The following CFAP61 variants were observed in gnomAD, a reference collection of about 807,000 sequenced individuals.
CFAP61 encodes cilia and flagella associated protein 61.
CFAP61 carries 107 observed loss-of-function variants against 135.6 expected under a neutral mutation model. The observed-to-expected ratio is 0.79, with a 90% CI of 0.67 to 0.93. The LOEUF is 0.93. CFAP61 is among the 40% of genes least tolerant of loss of function. The pLI is 0.00. For synonymous variants in CFAP61, 575 were observed against 578.5 expected (o/e 0.99, Z 0.09); for missense variants, 1,507 against 1,556.2 (o/e 0.97, Z 0.53).
intron 19 of CFAP61, among the ~76,000 whole-genome samples, chr20:20,247,502 C>T (rs541159055): frequency 4.5e-4 from 68 of 152,294 alleles, no homozygotes; most frequent in African/African-American, 1.5e-3. Context: ...GCCTCCTCAC[C>T]GCCCAGAACT....
chr20:20,293,198 T>A (rs539227487), intron 24 of CFAP61, among the ~76,000 whole-genome samples: 2 of 152,318 alleles, frequency 1.3e-5, no homozygotes, highest in East Asian at 3.9e-4. Flanking sequence ...ATTTCCTACA[T>A]GCGGCATCGT....
intron 25 of CFAP61, among the ~76,000 whole-genome samples, chr20:20,339,420 A>T (rs1041046938): frequency 6.6e-6 from 1 of 152,074 alleles, no homozygotes; most frequent in African/African-American, 2.4e-5. Flanking sequence ...AGCCTAAAGC[A>T]TAGAAATCGT....
chr20:20,156,058 G>A lies in CFAP61; in HGVS notation c.952-3312G>A, dbSNP rs570745318. On this transcript the variant is annotated intron_variant, in intron 9 of 26. Transcript: ENST00000245957. ...ATAGAGTCTTTTATCTGCACATTGG[G>A]TACAGTATACACTGCTTGGATGATG... Among the ~76,000 whole-genome samples, 12 of 151,932 alleles carry A rather than the reference G, an allele frequency of 7.9e-5. No homozygotes were observed. The East Asian group carries it at 1.5e-3, about 20-fold the overall frequency.
chr20:20,058,557 G>A (rs1292000785), intron 2 of CFAP61, among the ~76,000 whole-genome samples: 2 of 152,204 alleles, frequency 1.3e-5, no homozygotes, highest in Non-Finnish European at 1.5e-5. Context: ...AAATTGGGAT[G>A]TTCATTGTAG....
chr20:20,197,910 A>T (rs1261043605), intron 16 of CFAP61, among the ~76,000 whole-genome samples: 2 of 152,188 alleles, frequency 1.3e-5, no homozygotes, highest in African/African-American at 4.8e-5. Context: ...GAGCTAAGGG[A>T]TCTTAAAATG....
chr20:20,255,409 G>A (rs1263984049), intron 20 of CFAP61, among the ~76,000 whole-genome samples: 2 of 152,186 alleles, frequency 1.3e-5, no homozygotes, highest in African/African-American at 4.8e-5. Context: ...TTCATGGGTC[G>A]GGGGTCACTA....
intron 25 of CFAP61, among the ~76,000 whole-genome samples, chr20:20,324,269 A>G (rs1008523143): frequency 3.3e-5 from 5 of 152,036 alleles, no homozygotes; most frequent in African/African-American, 7.3e-5. Context: ...CCACCACCCA[A>G]CTGAACTTTT....
chr20:20,082,860 G>A (rs1297785379), intron 6 of CFAP61, among the ~76,000 whole-genome samples: 1 of 152,164 alleles, frequency 6.6e-6, no homozygotes, highest in Non-Finnish European at 1.5e-5. Context: ...TGGCATGGAT[G>A]TGGTGAAAAA....
At chr20:20,065,397 A>C (rs1376803931) in intron 2 of CFAP61, among the ~76,000 whole-genome samples, 1 of 152,018 alleles carries the variant, frequency 6.6e-6, no homozygotes, top group African/African-American at 2.4e-5. Flanking sequence ...AAAAAAAAAA[A>C]AGTTAAAATG....
rs1188310760 is a variant in CFAP61, at chr20:20,176,017, AC to A, written c.1385+6558del. On this transcript the variant is annotated intron_variant, in intron 13 of 26. Transcript: ENST00000245957. ...ACTTAAACAAATTTGCAAGAAAAAA[AC>A]AACCCCATTAAAAAGTGGGCAAAGG... is the stretch of plus-strand genomic sequence containing the variant. Among the ~76,000 whole-genome samples, 7 of 152,306 alleles carry A rather than the reference AC, an allele frequency of 4.6e-5. No homozygotes were observed. In the East Asian group the frequency reaches 1.2e-3, roughly 25 times the overall value.
At chr20:20,056,088 C>T in intron 1 of CFAP61, 1 of 1,097,304 alleles carries the variant, frequency 9.1e-7, no homozygotes, top group Non-Finnish European at 1.4e-6. Context: ...ATTATGGAAC[C>T]TCTCAAAGAT....
At chr20:20,178,919 C>G (rs943655551) in intron 13 of CFAP61, among the ~76,000 whole-genome samples, 1 of 151,976 alleles carries the variant, frequency 6.6e-6, no homozygotes, top group African/African-American at 2.4e-5. Flanking sequence ...TAATGGCTAT[C>G]AAATTGTTTC....
At chr20:20,228,127 C>T in intron 17 of CFAP61, 122 bp from the exon 18 acceptor site, 1 of 733,052 alleles carries the variant, frequency 1.4e-6, no homozygotes, top group Non-Finnish European at 2.1e-6. Flanking sequence ...TACATGGGCA[C>T]TATTAGGTTT....
chr20:20,199,447 G>A (rs2056486797), intron 16 of CFAP61, among the ~76,000 whole-genome samples: 2 of 152,162 alleles, frequency 1.3e-5, no homozygotes, highest in South Asian at 2.1e-4. Flanking sequence ...AGATCAAGCT[G>A]ATGCATGATC....
chr20:20,104,342 T>G (rs554649930), intron 8 of CFAP61, among the ~76,000 whole-genome samples: 2 of 152,296 alleles, frequency 1.3e-5, no homozygotes, highest in East Asian at 3.9e-4. Flanking sequence ...CACATTTGCT[T>G]CTTATCTCAG....
At chr20:20,067,169 C>G (rs545821456) in intron 2 of CFAP61, among the ~76,000 whole-genome samples, 1 of 151,674 alleles carries the variant, frequency 6.6e-6, no homozygotes, top group South Asian at 2.1e-4. Context: ...AGGCATTGCT[C>G]TAATGAAAAG....
At chr20:20,179,213 T>C (rs1569075824) in intron 13 of CFAP61, among the ~76,000 whole-genome samples, 1 of 152,106 alleles carries the variant, frequency 6.6e-6, no homozygotes. Flanking sequence ...CAAAAATCAC[T>C]AATATTCCTA....
At chr20:20,344,010 C>G (rs1008875362) in intron 26 of CFAP61, among the ~76,000 whole-genome samples, 3 of 152,192 alleles carry the variant, frequency 2.0e-5, no homozygotes, top group Non-Finnish European at 4.4e-5. Context: ...TCCAGCCATT[C>G]TTGTGGGTCT....
At chr20:20,281,865 T>C (rs2054221555) in intron 22 of CFAP61, among the ~76,000 whole-genome samples, 1 of 152,208 alleles carries the variant, frequency 6.6e-6, no homozygotes, top group Non-Finnish European at 1.5e-5. Flanking sequence ...TTTGACAGAA[T>C]TAACCAGTGA....
Sources: allele counts gnomAD v4.1 joint callset (sites outside exome capture counted in the v4.1 genomes callset), GRCh38; gene constraint gnomAD v4.1.1; transcripts MANE v1.5; gene names NCBI Gene and HGNC (gene_info 2026-07-23, HGNC 2026-07-21).